Variants in EIF4E2 observed in about 807,000 individuals in gnomAD.
EIF4E2 encodes eukaryotic translation initiation factor 4E type 2.
Under a neutral mutation model 34.2 loss-of-function variants are expected in EIF4E2, and 13 were observed. The ratio of observed to expected loss-of-function variants is 0.38; its 90% CI spans 0.25 to 0.60. The LOEUF (loss-of-function observed/expected upper bound fraction) is 0.60, where lower values mean the gene tolerates loss of function less well. Among genes scored for constraint, EIF4E2 ranks in the 20% least tolerant of loss-of-function variants. The pLI, the probability that EIF4E2 is intolerant of heterozygous loss-of-function variation, is 0.62. For missense variants in EIF4E2, 222 were observed against 315.1 expected, an observed-to-expected ratio of 0.70 and a Z score of 2.24; for synonymous variants, 100 against 106.6, an observed-to-expected ratio of 0.94 and a Z score of 0.38.
intron 3 of EIF4E2, among the ~76,000 whole-genome samples, chr2:232,563,050 A>G (rs1422800160): frequency 6.6e-6 from 1 of 152,252 alleles, no homozygotes; most frequent in African/African-American, 2.4e-5. Context: ...ATCTAGAAGT[A>G]TGACCTGAAT....
At chr2:232,575,672 C>T (rs1357594403) in intron 6 of EIF4E2, among the ~76,000 whole-genome samples, 2 of 151,996 alleles carry the variant, frequency 1.3e-5, no homozygotes, top group African/African-American at 4.8e-5. Context: ...AGGAGTGCTG[C>T]TAGTATACAC....
chr2:232,550,797 G>C, intron 1 of EIF4E2, 53 bp downstream of exon 1: 1 of 1,492,508 alleles, frequency 6.7e-7, no homozygotes. Context: ...GTTCCCCCGC[G>C]CCCGCCCCCG....
rs191489470 is a variant in EIF4E2, at chr2:232,555,660, G to A, written c.21-756G>A. 1.7e-4 allele frequency among the ~76,000 whole-genome samples: 26 copies of A among 152,256 alleles called. No individual in the cohort carries two copies. The East Asian group carries it at 5.0e-3, about 29-fold the overall frequency. On this transcript the variant is annotated intron_variant, in intron 1 of 6. Transcript: ENST00000258416. ...TCTAAGGGAACTCTCTCTCTAGTAG[G>A]GAAAGCAGACATGGGAGGAATGGTG...
chr2:232,552,811 AAAAC>A (rs1692392475), intron 1 of EIF4E2, among the ~76,000 whole-genome samples: 1 of 152,262 alleles, frequency 6.6e-6, no homozygotes, highest in Non-Finnish European at 1.5e-5. Flanking sequence ...AAAAAAAAGA[AAAAC>A]AAGCTTTCTT....
At chr2:232,560,777 A>G (rs961206345) in intron 3 of EIF4E2, among the ~76,000 whole-genome samples, 1 of 152,236 alleles carries the variant, frequency 6.6e-6, no homozygotes, top group Non-Finnish European at 1.5e-5. Context: ...AATCAACATC[A>G]TTACTATGCT....
chr2:232,567,499 C>T, intron 6 of EIF4E2: 1 of 1,261,408 alleles, frequency 7.9e-7, no homozygotes, highest in African/African-American at 1.5e-5. Context: ...CTTTCATATG[C>T]TAACCACTAT....
chr2:232,575,988 G>A (rs996290377), intron 6 of EIF4E2, among the ~76,000 whole-genome samples: 4 of 152,010 alleles, frequency 2.6e-5, no homozygotes, highest in South Asian at 4.1e-4. Flanking sequence ...GGCAGATCAC[G>A]AGGTCAAGAG....
intron 6 of EIF4E2, among the ~76,000 whole-genome samples, chr2:232,576,474 A>G (rs1323765992): frequency 1.1e-4 from 17 of 150,782 alleles, no homozygotes; most frequent in Admixed American, 1.1e-3. Flanking sequence ...CATAATTGCC[A>G]TTTTGTGGTC....
intron 1 of EIF4E2, among the ~76,000 whole-genome samples, chr2:232,555,647 C>T (rs2106235739): frequency 6.6e-6 from 1 of 152,280 alleles, no homozygotes; most frequent in South Asian, 2.1e-4. Context: ...TAAGGGAACT[C>T]TCTCTCTAGT....
At chr2:232,574,397 C>A (rs527390234) in intron 6 of EIF4E2, 12 of 1,516,566 alleles carry the variant, frequency 7.9e-6, no homozygotes, top group African/African-American at 6.9e-5. Context: ...ATCCATAGGA[C>A]CCCTCTTCCC....
chr2:232,579,853 G>C (rs1012011461), intron 6 of EIF4E2, among the ~76,000 whole-genome samples: 1 of 152,048 alleles, frequency 6.6e-6, no homozygotes, highest in Non-Finnish European at 1.5e-5. Context: ...AATGACTCCA[G>C]AATCCAGGTA....
At chr2:232,574,322 C>G in intron 6 of EIF4E2, 1 of 1,550,604 alleles carries the variant, frequency 6.4e-7, no homozygotes, top group Non-Finnish European at 8.7e-7. Context: ...GACGCTCCCC[C>G]TCTGTCTCTC....
chr2:232,564,482 C>T (rs938821082), intron 4 of EIF4E2, 131 bp downstream of exon 4: 18 of 543,456 alleles, frequency 3.3e-5, no homozygotes, highest in South Asian at 1.8e-4. Context: ...GACGGAGTGT[C>T]GCTCTGTCAC....
At chr2:232,574,400 C>T in intron 6 of EIF4E2, 1 of 1,515,822 alleles carries the variant, frequency 6.6e-7, no homozygotes, top group South Asian at 1.2e-5. Flanking sequence ...CATAGGACCC[C>T]TCTTCCCATT....
At chr2:232,574,389 C>A in intron 6 of EIF4E2, 1 of 1,526,278 alleles carries the variant, frequency 6.6e-7, no homozygotes, top group South Asian at 1.2e-5. Context: ...TACCTCTCAT[C>A]CATAGGACCC....
chr2:232,583,569 A>C (rs1055911217), exon 7 of EIF4E2: 1 of 152,210 alleles, frequency 6.6e-6, no homozygotes, highest in Non-Finnish European at 1.5e-5. Flanking sequence ...AGCAGAGGCT[A>C]TGACAAGAGT....
downstream of EIF4E2, among the ~76,000 whole-genome samples, chr2:232,570,485 T>G (rs1311744182): frequency 6.6e-6 from 1 of 152,204 alleles, no homozygotes; most frequent in African/African-American, 2.4e-5. Flanking sequence ...TGATGTCACC[T>G]CCCAGAGTAA....
In EIF4E2 at chr2:232,550,705, G is replaced by A; in HGVS notation, c.-20G>A. 1 of 1,584,456 alleles carries A rather than the reference G, an allele frequency of 6.3e-7. No individual in the cohort carries two copies. Among genetic ancestry groups the A allele is most frequent in the South Asian group, 1.1e-5 (1 of 87,226 alleles). On this transcript the variant is annotated 5_prime_UTR_variant, in exon 1 of 7. Transcript: ENST00000258416. ...GCGGAAGTCACTCCCTGAGGCAGTG[G>A]CGACAGCGGCGGCGAGAGGATGAAC...
At chr2:232,576,173 C>T (rs1693213426) in intron 6 of EIF4E2, among the ~76,000 whole-genome samples, 1 of 150,980 alleles carries the variant, frequency 6.6e-6, no homozygotes, top group South Asian at 2.1e-4. Context: ...CACTGTACTC[C>T]AGCCTGGCAA....
Sources: allele counts gnomAD v4.1 joint callset (sites outside exome capture counted in the v4.1 genomes callset), GRCh38; gene constraint gnomAD v4.1.1; transcripts MANE v1.5; gene names NCBI Gene and HGNC (gene_info 2026-07-23, HGNC 2026-07-21).